Variants in TRAPPC3L observed in about 807,000 individuals in gnomAD.
The protein encoded by TRAPPC3L is trafficking protein particle complex subunit 3-like protein.
Under a neutral mutation model 23.7 loss-of-function variants are expected in TRAPPC3L, and 23 were observed. The observed-to-expected ratio is 0.97, with a 90% CI of 0.70 to 1.37. The LOEUF (loss-of-function observed/expected upper bound fraction) is 1.37, where lower values mean the gene tolerates loss of function less well. Ranked by LOEUF, TRAPPC3L falls within the 40% of genes most tolerant of loss-of-function variation. TRAPPC3L has a pLI of 0.00. For synonymous variants in TRAPPC3L, 81 were observed against 77.9 expected (o/e 1.04, Z -0.21); for missense variants, 212 against 216.8 (o/e 0.98, Z 0.14).
intron 3 of TRAPPC3L, among the ~76,000 whole-genome samples, chr6:116,512,612 A>T (rs1356021423): frequency 6.6e-6 from 1 of 152,252 alleles, no homozygotes; most frequent in Non-Finnish European, 1.5e-5. Flanking sequence ...AATTATTTAC[A>T]TTCAAGTTGT....
chr6:116,525,706 C>T (rs998941810), intron 3 of TRAPPC3L, among the ~76,000 whole-genome samples: 2 of 152,172 alleles, frequency 1.3e-5, no homozygotes, highest in African/African-American at 4.8e-5. Context: ...TTCACTGGGC[C>T]ATTTCAAGAA....
chr6:116,505,389 A>G (rs1429211646), intron 3 of TRAPPC3L, among the ~76,000 whole-genome samples: 1 of 152,184 alleles, frequency 6.6e-6, no homozygotes, highest in African/African-American at 2.4e-5. Flanking sequence ...AAAAGGAAAA[A>G]CATTCCATGC....
intron 3 of TRAPPC3L, among the ~76,000 whole-genome samples, chr6:116,530,975 A>G (rs1442518529): frequency 1.0e-4 from 15 of 148,270 alleles, no homozygotes. Flanking sequence ...GAAGAACAAG[A>G]TATTTGTCAA....
intron 3 of TRAPPC3L, among the ~76,000 whole-genome samples, chr6:116,506,677 T>C (rs1583266913): frequency 6.6e-6 from 1 of 152,126 alleles, no homozygotes; most frequent in African/African-American, 2.4e-5. Flanking sequence ...GGGAATACCA[T>C]GCAGCCATAA....
rs948254057 is a variant in TRAPPC3L, at chr6:116,495,260, A to G, written c.*1694T>C. 3.3e-5 allele frequency: 5 copies of G among 152,042 alleles called. No individual in the cohort carries two copies. The highest frequency in any genetic ancestry group is 7.4e-5 in the Non-Finnish European group (5 of 68,018). The allele number at this position is 152,042 out of a possible 1,614,324, so 9.4% of individuals were successfully genotyped here. ...TTAGCTCCTACAAATAAATGAGAACATGCAAAGTCTGTCTTTCTGTCCTGA... is the reference window on the plus strand; with the variant it reads ...TTAGCTCCTACAAATAAATGAGAACGTGCAAAGTCTGTCTTTCTGTCCTGA... On this transcript the variant is annotated 3_prime_UTR_variant, in exon 5 of 5. Transcript: ENST00000368602.
At chr6:116,541,279 A>C (rs758232499) in intron 2 of TRAPPC3L, among the ~76,000 whole-genome samples, 24 of 152,224 alleles carry the variant, frequency 1.6e-4, no homozygotes, top group Non-Finnish European at 2.5e-4. Flanking sequence ...ATCTTATAAG[A>C]ACTTGCAATC....
chr6:116,529,911 G>A (rs1772593434), intron 3 of TRAPPC3L, among the ~76,000 whole-genome samples: 1 of 152,116 alleles, frequency 6.6e-6, no homozygotes. Context: ...GAGGGTTGAG[G>A]AATGGAAAGC....
At chr6:116,501,482 G>A (rs1436874636) in intron 3 of TRAPPC3L, among the ~76,000 whole-genome samples, 1 of 152,294 alleles carries the variant, frequency 6.6e-6, no homozygotes, top group African/African-American at 2.4e-5. Flanking sequence ...ACACTTAAAC[G>A]TTCCTGCCTG....
intron 3 of TRAPPC3L, chr6:116,521,052 A>C (rs1333623870): frequency 6.6e-6 from 1 of 152,030 alleles, no homozygotes; most frequent in Non-Finnish European, 1.5e-5. Flanking sequence ...CCAACAGTAC[A>C]ACAGTATATA....
At chr6:116,513,507 C>T (rs1243275655) in intron 3 of TRAPPC3L, among the ~76,000 whole-genome samples, 3 of 152,182 alleles carry the variant, frequency 2.0e-5, no homozygotes, top group Non-Finnish European at 4.4e-5. Context: ...GTGTGAGCTT[C>T]TCCTCTCTAA....
chr6:116,504,056 C>CA (rs946232190), intron 3 of TRAPPC3L, among the ~76,000 whole-genome samples: 2 of 151,624 alleles, frequency 1.3e-5, no homozygotes, highest in East Asian at 1.9e-4. Context: ...GACACACACA[C>CA]AAAAAAACCC....
intron 2 of TRAPPC3L, among the ~76,000 whole-genome samples, chr6:116,542,009 G>A (rs759037891): frequency 6.6e-6 from 1 of 152,110 alleles, no homozygotes; most frequent in Non-Finnish European, 1.5e-5. Context: ...TGTTAAATGT[G>A]TACTCAATTA....
chr6:116,531,822 T>C (rs1772742756), intron 3 of TRAPPC3L, among the ~76,000 whole-genome samples: 1 of 151,036 alleles, frequency 6.6e-6, no homozygotes, highest in African/African-American at 2.4e-5. Flanking sequence ...ATATAATAAA[T>C]AATGGAAAAA....
intron 1 of TRAPPC3L, among the ~76,000 whole-genome samples, chr6:116,544,674 A>G (rs544660081): frequency 8.9e-4 from 136 of 152,250 alleles, no homozygotes; most frequent in African/African-American, 3.2e-3. Flanking sequence ...TGTACCATAT[A>G]TTTTTAGCAC....
chr6:116,512,106 T>A (rs1772133643), intron 3 of TRAPPC3L: 1 of 1,613,926 alleles, frequency 6.2e-7, no homozygotes, highest in South Asian at 1.1e-5. Context: ...AGTTCAGGAC[T>A]CCTGGAACTG....
intron 3 of TRAPPC3L, among the ~76,000 whole-genome samples, chr6:116,535,018 A>C (rs780691612): frequency 4.6e-5 from 7 of 152,170 alleles, no homozygotes; most frequent in Non-Finnish European, 7.3e-5. Flanking sequence ...CCTGAGAGCA[A>C]AAAGCTTCTC....
At chr6:116,504,688 C>T (rs1217292989) in intron 3 of TRAPPC3L, among the ~76,000 whole-genome samples, 4 of 152,184 alleles carry the variant, frequency 2.6e-5, no homozygotes, top group African/African-American at 9.7e-5. Flanking sequence ...CCACCACCAT[C>T]AAGTCAGCTT....
chr6:116,515,978 C>G, intron 3 of TRAPPC3L: 1 of 1,595,444 alleles, frequency 6.3e-7, no homozygotes, highest in South Asian at 1.1e-5. Flanking sequence ...GGGTACTGCC[C>G]ACAATATGTA....
At chr6:116,511,040 A>T (rs1452908007) in intron 3 of TRAPPC3L, among the ~76,000 whole-genome samples, 1 of 149,516 alleles carries the variant, frequency 6.7e-6, no homozygotes, top group Non-Finnish European at 1.5e-5. Flanking sequence ...GGTGAGGGAT[A>T]AAAAAATACA....
Sources: allele counts gnomAD v4.1 joint callset (sites outside exome capture counted in the v4.1 genomes callset), GRCh38; gene constraint gnomAD v4.1.1; transcripts MANE v1.5; gene names NCBI Gene and HGNC (gene_info 2026-07-23, HGNC 2026-07-21).